The following LINGO2 variants were observed in gnomAD, a reference collection of about 807,000 sequenced individuals.
The protein encoded by LINGO2 is leucine rich repeat and Ig domain containing 2.
Under a neutral mutation model 30.6 loss-of-function variants are expected in LINGO2, and 14 were observed. That is an observed-to-expected ratio of 0.46 (90% CI 0.30 to 0.72). The LOEUF (loss-of-function observed/expected upper bound fraction) is 0.72. LINGO2 is among the 30% of genes least tolerant of loss of function. LINGO2 has a pLI of 0.07. For missense variants in LINGO2, 729 were observed against 751.7 expected, an observed-to-expected ratio of 0.97 and a Z score of 0.35; for synonymous variants, 317 against 288.5, an observed-to-expected ratio of 1.10 and a Z score of -1.00.
chr9:28,611,149 A>C (rs1032916083), intron 1 of LINGO2, among the ~76,000 whole-genome samples: 11 of 152,184 alleles, frequency 7.2e-5, no homozygotes, highest in African/African-American at 2.7e-4. Context: ...CTTCAAATAC[A>C]TTACCAGATG....
chr9:28,093,942 G>A (rs948975887), intron 4 of LINGO2, among the ~76,000 whole-genome samples: 2 of 152,100 alleles, frequency 1.3e-5, no homozygotes, highest in Admixed American at 1.3e-4. Context: ...ACATGCTTGA[G>A]GAAGATTATT....
At chr9:28,476,581 C>A (rs1825739518) in intron 1 of LINGO2, among the ~76,000 whole-genome samples, 1 of 152,122 alleles carries the variant, frequency 6.6e-6, no homozygotes, top group Non-Finnish European at 1.5e-5. Context: ...GGCCTATTTT[C>A]TTGTTTTATT....
At chr9:29,110,714 G>A in the LINGO2 span, among the ~76,000 whole-genome samples, 1 of 149,084 alleles carries the variant, frequency 6.7e-6, no homozygotes, top group African/African-American at 2.5e-5. Context: ...TTGATGAGAC[G>A]GAGTCTCGCT....
At chr9:28,931,838 G>T in the LINGO2 span, among the ~76,000 whole-genome samples, 3 of 151,812 alleles carry the variant, frequency 2.0e-5, no homozygotes, top group Non-Finnish European at 4.4e-5. Flanking sequence ...GGCTGGGTGC[G>T]GTGGCTCATG....
chr9:28,500,810 T>C (rs1433902866), intron 1 of LINGO2, among the ~76,000 whole-genome samples: 1 of 151,812 alleles, frequency 6.6e-6, no homozygotes, highest in East Asian at 1.9e-4. Flanking sequence ...GCAGAAAGAA[T>C]AAGAAAAGTA....
intron 3 of LINGO2, among the ~76,000 whole-genome samples, chr9:28,318,953 G>C (rs1334069298): frequency 6.6e-6 from 1 of 152,100 alleles, no homozygotes; most frequent in Non-Finnish European, 1.5e-5. Flanking sequence ...TCAGCTGCTT[G>C]CTACATACAC....
intron 5 of LINGO2, among the ~76,000 whole-genome samples, chr9:27,979,973 C>T (rs1820777903): frequency 2.0e-5 from 3 of 151,840 alleles, no homozygotes. Context: ...CATCTCTCAC[C>T]TATTATGGAG....
the LINGO2 span, among the ~76,000 whole-genome samples, chr9:28,824,903 TCTC>T: frequency 6.6e-6 from 1 of 152,140 alleles, no homozygotes; most frequent in South Asian, 2.1e-4. Flanking sequence ...AAAAACTTGA[TCTC>T]CTCTTCTTTT....
At chr9:28,493,271 C>T (rs886304766) in intron 1 of LINGO2, among the ~76,000 whole-genome samples, 2 of 152,120 alleles carry the variant, frequency 1.3e-5, no homozygotes, top group African/African-American at 4.8e-5. Flanking sequence ...ACATTTCTTT[C>T]TCCAGAACTA....
chr9:29,105,952 T>A, the LINGO2 span, among the ~76,000 whole-genome samples: 1 of 152,136 alleles, frequency 6.6e-6, no homozygotes, highest in Non-Finnish European at 1.5e-5. Flanking sequence ...TGTCAAACCA[T>A]CACATGAGGA....
intron 1 of LINGO2, among the ~76,000 whole-genome samples, chr9:28,604,069 A>G (rs568923808): frequency 6.6e-6 from 1 of 151,920 alleles, no homozygotes; most frequent in Admixed American, 6.6e-5. Flanking sequence ...CAAATTCTCT[A>G]TGGCCTTTTA....
the LINGO2 span, among the ~76,000 whole-genome samples, chr9:28,943,295 C>T: frequency 1.7e-4 from 26 of 152,062 alleles, no homozygotes; most frequent in South Asian, 5.2e-3. Context: ...TCAAGACATT[C>T]TTTGACTACT....
chr9:28,332,188 A>AT lies in LINGO2; in HGVS notation c.-245-36823dup, dbSNP rs375349963. ...AGGCACCTTTCAATCTCTTTTTAGA[A>AT]TTTTTTTTTTCTAGTCCTTGCTTAA... is the stretch of plus-strand genomic sequence containing the variant. On this transcript the variant is annotated intron_variant, in intron 3 of 5. Coordinates refer to ENST00000379992, the Ensembl canonical transcript of LINGO2. Among the ~76,000 whole-genome samples, 49 of 150,722 alleles carry AT rather than the reference A, an allele frequency of 3.3e-4. No individual in the cohort carries two copies. In the East Asian group the frequency reaches 3.3e-3, roughly 10 times the overall value.
At chr9:28,576,305 T>C (rs1309324595) in intron 1 of LINGO2, among the ~76,000 whole-genome samples, 1 of 152,160 alleles carries the variant, frequency 6.6e-6, no homozygotes, top group Non-Finnish European at 1.5e-5. Context: ...AAGATCAAAA[T>C]TCAAAAATTT....
intron 4 of LINGO2, among the ~76,000 whole-genome samples, chr9:28,247,513 AC>A (rs1822046131): frequency 6.6e-6 from 1 of 152,118 alleles, no homozygotes; most frequent in Admixed American, 6.6e-5. Context: ...AAAACCAAAC[AC>A]TGTATGTTCT....
At chr9:28,785,682 A>G in the LINGO2 span, among the ~76,000 whole-genome samples, 1 of 89,822 alleles carries the variant, frequency 1.1e-5, no homozygotes, top group Non-Finnish European at 2.5e-5. Context: ...AAACACACAC[A>G]CACGCACACA....
At chr9:28,856,737 G>A in the LINGO2 span, among the ~76,000 whole-genome samples, 37 of 152,044 alleles carry the variant, frequency 2.4e-4, no homozygotes, top group African/African-American at 8.7e-4. Context: ...AATTACTGAA[G>A]CGTTTTAAGG....
chr9:28,630,136 C>T (rs1464434684), intron 1 of LINGO2, among the ~76,000 whole-genome samples: 2 of 151,870 alleles, frequency 1.3e-5, no homozygotes, highest in East Asian at 3.9e-4. Flanking sequence ...GGGTGCAGTG[C>T]ACCAGCATGG....
rs1005506411 is a variant in LINGO2 at position 28,384,327 on chromosome 9, C to A, written c.-278-11459G>T. ...TCACTCCCTTCTTTTCCATGTTATG[C>A]ACTATATATATATATATATATATGC... On this transcript the variant is annotated intron_variant, in intron 2 of 5. Coordinates refer to ENST00000379992, the Ensembl canonical transcript of LINGO2. 4.6e-5 allele frequency among the ~76,000 whole-genome samples: 3 copies of A among 64,970 alleles called. No individual in the cohort carries two copies. The Admixed American group carries it at 5.3e-4, about 11-fold the overall frequency. 42.6% of individuals were successfully genotyped at this position (64,970 alleles called of 152,430 possible). A position where few individuals can be genotyped will look rare whatever the true frequency, so the allele number is the denominator to read the frequency against.
Sources: gnomAD v4.1 joint callset for allele counts (sites outside exome capture counted in the v4.1 genomes callset) on GRCh38, gnomAD v4.1.1 for gene constraint, MANE v1.5 for transcripts, NCBI Gene and HGNC (gene_info 2026-07-23, HGNC 2026-07-21) for gene names.